ICE1: variants seen among roughly 807,000 people sequenced by gnomAD.
ICE1 encodes little elongation complex subunit 1.
ICE1 carries 64 observed loss-of-function variants against 192.7 expected under a neutral mutation model. That is an observed-to-expected ratio of 0.33 (90% CI 0.27 to 0.41). ICE1 has a LOEUF of 0.41. ICE1 is among the 10% of genes least tolerant of loss of function. The pLI is 1.00. For missense variants in ICE1, 2,708 were observed against 2,696.0 expected (o/e 1.00, Z -0.10); for synonymous variants, 1,010 against 984.5 (o/e 1.03, Z -0.49).
intron 15 of ICE1, 48 bp downstream of exon 15, chr5:5,469,036 A>G: frequency 2.5e-6 from 3 of 1,218,548 alleles, no homozygotes; most frequent in Non-Finnish European, 3.3e-6. Flanking sequence ...TAGATATTAT[A>G]TAAATGTTAA....
rs575921379 is a variant in ICE1 at position 5,459,888 on chromosome 5, G to A, written c.1102-548G>A. ...GCTGGGAGGGAGAAAGCTTTGTAAG[G>A]GTAGCACAGGTGGGTTGATGACATC... On this transcript the variant is annotated intron_variant, in intron 12 of 18. Coordinates refer to ENST00000296564, the MANE Select transcript of ICE1 (RefSeq NM_015325.3). Among the ~76,000 whole-genome samples the A allele has an allele frequency of 2.6e-5, 4 of 152,258 alleles. No homozygotes were observed. In the East Asian group the frequency reaches 7.7e-4, roughly 29 times the overall value.
At chr5:5,435,309 TGA>T (rs1737836045) in intron 1 of ICE1, among the ~76,000 whole-genome samples, 1 of 151,950 alleles carries the variant, frequency 6.6e-6, no homozygotes, top group Admixed American at 6.6e-5. Context: ...GTAACATAAC[TGA>T]GAAGAAAAGG....
Position 5,460,825 on chromosome 5 carries a change from T to A in ICE1, c.1491T>A (p.Thr497=). 6.2e-7 allele frequency: 1 copy of A among 1,613,992 alleles called. No homozygotes were observed. The highest frequency in any genetic ancestry group is 1.1e-5 in the South Asian group (1 of 91,088). ...EVREMDKSVQ[T]EKTIHKLTRG... ...GGGAGATGGATAAGTCAGTACAAAC[T>A]GAGAAGACCATTCATAAACTCACTC... Residue 497 remains threonine (T), a synonymous_variant, in exon 13 of 19, where the codon ACT becomes ACA. Transcript: ENST00000296564.
At chr5:5,446,625 A>G (rs921629446) in intron 7 of ICE1, among the ~76,000 whole-genome samples, 3 of 152,168 alleles carry the variant, frequency 2.0e-5, no homozygotes, top group African/African-American at 4.8e-5. Flanking sequence ...GACTATATAT[A>G]CAGGTTTTAG....
intron 7 of ICE1, among the ~76,000 whole-genome samples, chr5:5,445,179 A>G (rs749704916): frequency 6.6e-6 from 1 of 152,238 alleles, no homozygotes; most frequent in Non-Finnish European, 1.5e-5. Flanking sequence ...ATCCGGGCAC[A>G]TAGAATAATA....
chr5:5,458,008 G>A (rs1325104576), intron 12 of ICE1, among the ~76,000 whole-genome samples: 2 of 152,176 alleles, frequency 1.3e-5, no homozygotes, highest in Admixed American at 1.3e-4. Flanking sequence ...TAGGAAGGCT[G>A]TGTCTTAATT....
rs751542712 is a variant in ICE1, at chr5:5,465,131, A to G, written c.5797A>G (p.Ile1933Val). The G allele has an allele frequency of 3.1e-6, 5 of 1,611,512 alleles. No individual in the cohort carries two copies. In the South Asian group the frequency reaches 5.5e-5, roughly 18 times the overall value. ...GTTTTCTTTTGATCTGTTACCTGTC[A>G]TTCGTAGTCATGTGTATGTGGGAAA... is the stretch of plus-strand genomic sequence containing the variant. ...AEFSFDLLPV[I>V]RSHVYVGNIS... Residue 1933 changes from isoleucine (I) to valine (V), a missense_variant, in exon 13 of 19, where the codon ATT becomes GTT. Ile to Val is a conservative substitution (Grantham distance 29, BLOSUM62 3). Coordinates refer to ENST00000296564, the MANE Select transcript of ICE1 (RefSeq NM_015325.3).
At chr5:5,452,248 T>C (rs1289319651) in intron 10 of ICE1, among the ~76,000 whole-genome samples, 1 of 145,460 alleles carries the variant, frequency 6.9e-6, no homozygotes, top group Non-Finnish European at 1.5e-5. Flanking sequence ...TGAATACTAA[T>C]AAAGAAAAGT....
intron 18 of ICE1, among the ~76,000 whole-genome samples, chr5:5,488,272 C>A (rs144940421): frequency 6.6e-6 from 1 of 152,258 alleles, no homozygotes; most frequent in East Asian, 1.9e-4. Context: ...TTGGAGAAAA[C>A]TGAGGTACAC....
Position 5,447,733 on chromosome 5 carries a change from G to C in ICE1, c.520G>C (p.Glu174Gln), listed in dbSNP as rs373473386. Residue 174 changes from glutamate (E) to glutamine (Q), a missense_variant, in exon 9 of 19, where the codon GAA (glutamate) becomes CAA (glutamine). Physicochemically the swap from Glu to Gln is conservative, Grantham distance 29. This residue lies in a region of ICE1 where 2,366 missense variants were observed against 2,276.6 expected (regional missense o/e 1.04). Transcript: ENST00000296564. ...EFKKTQERLD[E>Q]FSKQKNEKEL... is the part of the protein sequence containing the mutation. ...TTTGTTTTCACAGGAAAGGCTTGAC[G>C]AATTTTCTAAACAGAAAAATGAAAA... 6.3e-7 allele frequency: 1 copy of C among 1,583,424 alleles called. No homozygotes were observed. Among genetic ancestry groups the C allele is most frequent in the Non-Finnish European group, 8.6e-7 (1 of 1,162,496 alleles).
intron 1 of ICE1, among the ~76,000 whole-genome samples, chr5:5,425,198 A>G (rs1285514735): frequency 6.6e-6 from 1 of 152,148 alleles, no homozygotes; most frequent in Non-Finnish European, 1.5e-5. Flanking sequence ...CGTGGTGTGA[A>G]CTACTCTAAT....
chr5:5,441,510 A>AGG (rs1738053408), intron 5 of ICE1, among the ~76,000 whole-genome samples: 1 of 152,216 alleles, frequency 6.6e-6, no homozygotes, highest in South Asian at 2.1e-4. Flanking sequence ...TTCTGCATTA[A>AGG]TTGATTTTTA....
rs369284482 is a variant in ICE1, at chr5:5,467,313, A to G, written c.6061+811A>G. On this transcript the variant is annotated intron_variant, in intron 14 of 18. Transcript: ENST00000296564. Reference sequence around the variant, plus strand: ...ACTTGTCCAGTGGGACTGACAGGCCATAGTCATATCACAAAAACACACATG... The same window carrying G: ...ACTTGTCCAGTGGGACTGACAGGCCGTAGTCATATCACAAAAACACACATG... 5.6e-4 allele frequency among the ~76,000 whole-genome samples: 86 copies of G among 152,326 alleles called. 1 individual carries two copies. In the South Asian group the frequency reaches 7.7e-3, roughly 14 times the overall value.
At chr5:5,432,835 G>A (rs143004938) in intron 1 of ICE1, among the ~76,000 whole-genome samples, 2 of 152,008 alleles carry the variant, frequency 1.3e-5, no homozygotes, top group East Asian at 3.9e-4. Flanking sequence ...CATTTTTTAA[G>A]TTTTCTTTTC....
In ICE1 at chr5:5,435,678, G is replaced by GTTT. The variant is rs796599483; in HGVS notation, c.85-737_85-735dup. On this transcript the variant is annotated intron_variant, in intron 1 of 18. Transcript: ENST00000296564. ...TTGTGTTTTTTTTTTTTTTTGTTTTGTTTTTGTTTTTTTTTTCGAGATGGA... is the reference window on the plus strand; with the variant it reads ...TTGTGTTTTTTTTTTTTTTTGTTTTGTTTTTTTTGTTTTTTTTTTCGAGATGGA... Among the ~76,000 whole-genome samples the GTTT allele has an allele frequency of 9.4e-5, 11 of 116,724 alleles. 1 individual carries two copies. Among genetic ancestry groups the GTTT allele is most frequent in the African/African-American group, 3.4e-4 (11 of 31,940 alleles). The allele number at this position is 116,724 out of a possible 152,430, so 76.6% of individuals were successfully genotyped here. A position where few individuals can be genotyped will look rare whatever the true frequency, so the allele number is the denominator to read the frequency against.
intron 1 of ICE1, among the ~76,000 whole-genome samples, chr5:5,428,656 A>G (rs1205342040): frequency 6.6e-6 from 1 of 152,118 alleles, no homozygotes; most frequent in Non-Finnish European, 1.5e-5. Flanking sequence ...TTTCCAACAT[A>G]ATTACCCTAC....
chr5:5,445,851 G>T (rs1287470674), intron 7 of ICE1, among the ~76,000 whole-genome samples: 1 of 151,340 alleles, frequency 6.6e-6, no homozygotes, highest in East Asian at 1.9e-4. Flanking sequence ...CTCCTGAGTA[G>T]CTGGGCCTAT....
At position 5,489,276 on chromosome 5, in the gene ICE1, G is replaced by A. The variant is rs768702601; in HGVS notation, c.6747G>A (p.Ala2249=). Residue 2249 remains alanine, a synonymous_variant, in exon 19 of 19, where the codon GCG becomes GCA. Coordinates refer to ENST00000296564, the MANE Select transcript of ICE1 (RefSeq NM_015325.3). ...RREASKSVPS[A]IVSCLEEVSA... ...AGGCCTCCAAAAGCGTTCCGTCTGC[G>A]ATTGTCAGCTGCCTAGAGGAAGTCA... 27 of 1,613,550 alleles carry A rather than the reference G, an allele frequency of 1.7e-5. No individual in the cohort carries two copies. The highest frequency in any genetic ancestry group is 3.3e-5 in the South Asian group (3 of 90,970).
chr5:5,423,796 C>T (rs1045988670), intron 1 of ICE1, among the ~76,000 whole-genome samples: 2 of 152,204 alleles, frequency 1.3e-5, no homozygotes, highest in Non-Finnish European at 2.9e-5. Flanking sequence ...AACTCACCAG[C>T]ACCTCATTAC....
Sources: gnomAD v4.1 joint callset for allele counts (sites outside exome capture counted in the v4.1 genomes callset) on GRCh38, gnomAD v4.1.1 for gene constraint, gnomAD v4.1.1 regional missense constraint, MANE v1.5 for transcripts, NCBI Gene and HGNC (gene_info 2026-07-23, HGNC 2026-07-21) for gene names.